The following CYRIA variants were observed in gnomAD, a reference collection of about 807,000 sequenced individuals.
CYRIA encodes CYFIP-related Rac1 interactor A.
A neutral mutation model predicts 43.9 loss-of-function variants in CYRIA; 15 were observed. The ratio of observed to expected loss-of-function variants is 0.34; its 90% CI spans 0.23 to 0.53. The LOEUF (loss-of-function observed/expected upper bound fraction) is 0.53. Among genes scored for constraint, CYRIA ranks in the 20% least tolerant of loss-of-function variants. The pLI is 0.94. For synonymous variants in CYRIA, 117 were observed against 136.0 expected (o/e 0.86, Z 0.97); for missense variants, 236 against 394.2 (o/e 0.60, Z 3.40).
At chr2:16,589,117 T>C (rs983042941) in intron 2 of CYRIA, among the ~76,000 whole-genome samples, 31 of 152,248 alleles carry the variant, frequency 2.0e-4, no homozygotes, top group African/African-American at 7.2e-4. Context: ...TGCTGGGCAC[T>C]GTGTTCTTGG....
At chr2:16,653,332 C>T (rs1264156534) in intron 1 of CYRIA, among the ~76,000 whole-genome samples, 6 of 152,222 alleles carry the variant, frequency 3.9e-5, no homozygotes, top group Non-Finnish European at 5.9e-5. Context: ...GTTTGGCCCT[C>T]GCTGAGGCTC....
intron 2 of CYRIA, among the ~76,000 whole-genome samples, chr2:16,607,786 A>C (rs1245351520): frequency 6.6e-6 from 1 of 152,042 alleles, no homozygotes; most frequent in Non-Finnish European, 1.5e-5. Flanking sequence ...TAGTAGAGAC[A>C]GGGTTTCACC....
At chr2:16,626,187 C>A (rs879356021) in intron 1 of CYRIA, among the ~76,000 whole-genome samples, 1 of 152,164 alleles carries the variant, frequency 6.6e-6, no homozygotes, top group African/African-American at 2.4e-5. Flanking sequence ...AATGCTAATA[C>A]TATTCATAGA....
At chr2:16,574,671 C>A (rs1667264156) in intron 3 of CYRIA, among the ~76,000 whole-genome samples, 1 of 152,170 alleles carries the variant, frequency 6.6e-6, no homozygotes, top group Non-Finnish European at 1.5e-5. Flanking sequence ...TCAGAGGGTG[C>A]AAGTCCCAAG....
At chr2:16,567,229 C>G (rs1330815487) in intron 3 of CYRIA, among the ~76,000 whole-genome samples, 1 of 152,034 alleles carries the variant, frequency 6.6e-6, no homozygotes, top group Non-Finnish European at 1.5e-5. Flanking sequence ...CATGGTGAAA[C>G]CCCGTCTCTA....
At chr2:16,557,508 AC>A (rs991909047) in intron 10 of CYRIA, among the ~76,000 whole-genome samples, 41 of 152,120 alleles carry the variant, frequency 2.7e-4, no homozygotes, top group African/African-American at 9.2e-4. Context: ...TGGCTTAGAA[AC>A]AGACTAGTAT....
At chr2:16,604,025 G>T (rs749681610) in intron 2 of CYRIA, among the ~76,000 whole-genome samples, 4 of 152,326 alleles carry the variant, frequency 2.6e-5, no homozygotes, top group East Asian at 1.9e-4. Flanking sequence ...TATGCCTTGT[G>T]TGGGGCTGGG....
At chr2:16,643,270 G>A (rs1215470133) in intron 1 of CYRIA, among the ~76,000 whole-genome samples, 1 of 152,118 alleles carries the variant, frequency 6.6e-6, no homozygotes, top group Non-Finnish European at 1.5e-5. Flanking sequence ...GTTCATCCTT[G>A]AACCGTAGCT....
intron 2 of CYRIA, among the ~76,000 whole-genome samples, chr2:16,607,754 A>C (rs574743925): frequency 2.6e-5 from 4 of 151,764 alleles, no homozygotes; most frequent in South Asian, 4.2e-4. Flanking sequence ...GTGCCACCAC[A>C]CCTGGCTAAT....
At chr2:16,652,983 TA>T (rs887185342) in intron 1 of CYRIA, among the ~76,000 whole-genome samples, 10 of 152,228 alleles carry the variant, frequency 6.6e-5, no homozygotes, top group Admixed American at 6.5e-4. Context: ...AATATTTAAC[TA>T]GGACTCTTGG....
intron 1 of CYRIA, among the ~76,000 whole-genome samples, chr2:16,655,142 C>T (rs1438115422): frequency 3.3e-5 from 5 of 152,184 alleles, no homozygotes; most frequent in Non-Finnish European, 7.3e-5. Context: ...CAAGCTCACT[C>T]GCTCGCCCCA....
chr2:16,661,770 C>G (rs1253401417), intron 1 of CYRIA, among the ~76,000 whole-genome samples: 10 of 152,162 alleles, frequency 6.6e-5, no homozygotes, highest in Non-Finnish European at 1.5e-5. Flanking sequence ...TACTACGGCA[C>G]AAAGAGCAAG....
intron 9 of CYRIA, chr2:16,560,682 TTTAACA>T: frequency 2.5e-6 from 1 of 399,824 alleles, no homozygotes. Context: ...TGTCCCATCA[TTTAACA>T]CACCCTCCAT....
intron 2 of CYRIA, among the ~76,000 whole-genome samples, chr2:16,601,433 G>T (rs1198032720): frequency 1.3e-5 from 2 of 152,120 alleles, no homozygotes. Flanking sequence ...TTTGAAATAG[G>T]TTATTCAATT....
At chr2:16,613,500 C>G (rs906730288) in intron 2 of CYRIA, among the ~76,000 whole-genome samples, 1 of 150,066 alleles carries the variant, frequency 6.7e-6, no homozygotes, top group Admixed American at 6.6e-5. Context: ...CTAAGCGCTA[C>G]ATGCAAATGC....
In CYRIA at chr2:16,650,152, A is replaced by C. The variant is rs757226762; in HGVS notation, c.-167+15628T>G. On this transcript the variant is annotated intron_variant, in intron 1 of 11. Coordinates refer to ENST00000381323, the MANE Select transcript of CYRIA (RefSeq NM_030797.4). This position sits in a 1 kb window ranked among gnomAD's most constrained non-coding sequence, Gnocchi z 4.1. Reference sequence around the variant, plus strand: ...AGACAGTCGTCGCCATCAGCCACTGAGATTTGGGGGTTATTTCTGACTGCA... The same window carrying C: ...AGACAGTCGTCGCCATCAGCCACTGCGATTTGGGGGTTATTTCTGACTGCA... Among the ~76,000 whole-genome samples, 1 of 152,198 alleles carries C rather than the reference A, an allele frequency of 6.6e-6. No individual in the cohort carries two copies. The highest frequency in any genetic ancestry group is 1.5e-5 in the Non-Finnish European group (1 of 68,038).
At position 16,564,056 on chromosome 2, in the gene CYRIA, T is replaced by C. The variant is rs947108094; in HGVS notation, c.231A>G (p.Lys77=). 6.2e-7 allele frequency: 1 copy of C among 1,613,578 alleles called. No individual in the cohort carries two copies. Among genetic ancestry groups the C allele is most frequent in the Non-Finnish European group, 8.5e-7 (1 of 1,179,706 alleles). ...CAAGAGGGCACACCGCATTCCAAGC[T>C]TTTTCTTGAAGCTGAATGTCATTGG... is the stretch of plus-strand genomic sequence containing the variant. ...QNPNDIQLQE[K]AWNAVCPLVV... The change falls in exon 5 of 12, where the codon AAA becomes AAG. Residue 77 remains lysine, a synonymous_variant. Coordinates refer to ENST00000381323, the MANE Select transcript of CYRIA (RefSeq NM_030797.4).
intron 10 of CYRIA, among the ~76,000 whole-genome samples, chr2:16,558,388 C>T (rs1334871014): frequency 1.3e-5 from 2 of 152,130 alleles, no homozygotes; most frequent in Non-Finnish European, 2.9e-5. Context: ...TATGGCCCTC[C>T]TGGGCATGTA....
At chr2:16,593,699 T>TG (rs200237311) in intron 2 of CYRIA, among the ~76,000 whole-genome samples, 38 of 82,176 alleles carry the variant, frequency 4.6e-4, no homozygotes, top group African/African-American at 2.4e-3. Flanking sequence ...TGTGTGTGTG[T>TG]TTTTTTTTGT....
Sources: gnomAD v4.1 joint callset for allele counts (sites outside exome capture counted in the v4.1 genomes callset) on GRCh38, gnomAD v4.1.1 for gene constraint, Gnocchi (gnomAD v3.1) non-coding constraint, MANE v1.5 for transcripts, NCBI Gene and HGNC (gene_info 2026-07-23, HGNC 2026-07-21) for gene names.